Variants in SLC39A8 observed in about 807,000 individuals in gnomAD.
SLC39A8 encodes solute carrier family 39 member 8.
In SLC39A8, 15 loss-of-function variants were observed where a neutral mutation model predicts 40.4. That is an observed-to-expected ratio of 0.37 (90% CI 0.25 to 0.57). The LOEUF is 0.57. Ranked by LOEUF, SLC39A8 falls within the 20% of genes least tolerant of loss-of-function variation. SLC39A8 has a pLI of 0.75. For missense variants in SLC39A8, 472 were observed against 558.8 expected, an observed-to-expected ratio of 0.84 and a Z score of 1.57; for synonymous variants, 223 against 221.6, an observed-to-expected ratio of 1.01 and a Z score of -0.06.
intron 6 of SLC39A8, among the ~76,000 whole-genome samples, chr4:102,270,555 ATTG>A (rs1732305607): frequency 6.6e-6 from 1 of 152,042 alleles, no homozygotes; most frequent in African/African-American, 2.4e-5. Context: ...TTCTATTGTT[ATTG>A]TTGTTCACTT....
At chr4:102,342,996 G>A (rs1736010235) in intron 2 of SLC39A8, among the ~76,000 whole-genome samples, 1 of 152,088 alleles carries the variant, frequency 6.6e-6, no homozygotes, top group African/African-American at 2.4e-5. Context: ...TCCCCTATTT[G>A]ATAAGAAAAG....
At chr4:102,253,294 T>C in exon 12 of SLC39A8, 1 of 494,932 alleles carries the variant, frequency 2.0e-6, no homozygotes, top group Non-Finnish European at 3.7e-6. Context: ...TTTGAGAAAC[T>C]TCACAGCACA....
chr4:102,316,535 T>C (rs1734665744), intron 2 of SLC39A8, among the ~76,000 whole-genome samples: 1 of 152,126 alleles, frequency 6.6e-6, no homozygotes, highest in Admixed American at 6.6e-5. Flanking sequence ...ATAATGTTGT[T>C]CTCACATTTT....
rs377429367 is a variant in SLC39A8 at position 102,328,807 on chromosome 4, C to T, written c.220-12977G>A. On this transcript the variant is annotated intron_variant, in intron 2 of 8. Transcript: ENST00000356736. ...TTGGGAGACCAAGGTGGGAGGATCACGAGGTCAGGAGATCGAGACCATCCT... is the reference window on the plus strand; with the variant it reads ...TTGGGAGACCAAGGTGGGAGGATCATGAGGTCAGGAGATCGAGACCATCCT... 2.5e-3 allele frequency among the ~76,000 whole-genome samples: 381 copies of T among 152,082 alleles called. 2 individuals carry two copies. Among genetic ancestry groups the T allele is most frequent in the African/African-American group, 8.8e-3 (367 of 41,476 alleles).
chr4:102,301,002 C>T (rs1409631061), intron 6 of SLC39A8, among the ~76,000 whole-genome samples: 1 of 151,914 alleles, frequency 6.6e-6, no homozygotes, highest in African/African-American at 2.4e-5. Context: ...ACCAAAATAG[C>T]GAGAAAATAG....
In SLC39A8 at chr4:102,299,430, A is replaced by C. The variant is rs114999011; in HGVS notation, c.840+4887T>G. Among the ~76,000 whole-genome samples, 983 of 152,044 alleles carry C rather than the reference A, an allele frequency of 6.5e-3. 6 individuals carry two copies. Among genetic ancestry groups the C allele is most frequent in the African/African-American group, 0.018 (735 of 41,508 alleles). On this transcript the variant is annotated intron_variant, in intron 6 of 8. Transcript: ENST00000356736. The stretch of plus-strand genomic sequence containing the variant: ...TCACCTCATCTGTTACTTCTTGAAA[A>C]CTGCTCTGGGTCCTCATCTCCTCTC...
chr4:102,311,059 A>G (rs768093627), intron 3 of SLC39A8, among the ~76,000 whole-genome samples: 5 of 152,016 alleles, frequency 3.3e-5, no homozygotes, highest in Non-Finnish European at 7.4e-5. Flanking sequence ...CCAGGCTTCA[A>G]TTTTTGCCTG....
rs1731945444 is a variant in SLC39A8 at position 102,263,205 on chromosome 4, A to G, written c.1234-12T>C. On this transcript the variant is annotated splice_polypyrimidine_tract_variant and intron_variant, in intron 8 of 8. Coordinates refer to ENST00000356736, the MANE Select transcript of SLC39A8 (RefSeq NM_001135146.2). ...TTCATCTCTGGAAACTAGAAGACAG[A>G]TATATTGTTAGATAACTGTTGCCAT... is the stretch of plus-strand genomic sequence containing the variant. The G allele has an allele frequency of 6.2e-7, 1 of 1,609,276 alleles. No homozygotes were observed. The highest frequency in any genetic ancestry group is 1.3e-5 in the African/African-American group (1 of 74,834).
At position 102,307,552 on chromosome 4, in the gene SLC39A8, C is replaced by T; in HGVS notation, c.436G>A (p.Gly146Arg). The change falls in exon 4 of 9, where the codon GGA becomes AGA. Residue 146 changes from glycine (G) to arginine (R), a missense_variant. Coordinates refer to ENST00000356736, the MANE Select transcript of SLC39A8 (RefSeq NM_001135146.2). Reference sequence around the variant, plus strand: ...TTTATCAGTGGAGTCAAAATCAATCCGAGGAGAGATGCCAGATTAATAATC... The same window carrying T: ...TTTATCAGTGGAGTCAAAATCAATCTGAGGAGAGATGCCAGATTAATAATC... Reference protein sequence around the residue: ...VTIINLASLLGLILTPLIKKS... With the variant: ...VTIINLASLLRLILTPLIKKS... 2 of 1,613,320 alleles carry T rather than the reference C, an allele frequency of 1.2e-6. No homozygotes were observed. The highest frequency in any genetic ancestry group is 8.5e-7 in the Non-Finnish European group (1 of 1,179,574).
At chr4:102,322,430 A>T (rs988822905) in intron 2 of SLC39A8, among the ~76,000 whole-genome samples, 1 of 152,216 alleles carries the variant, frequency 6.6e-6, no homozygotes, top group African/African-American at 2.4e-5. Context: ...ACATAAAGTA[A>T]TTATTTAAAA....
At chr4:102,252,899 T>C (rs1407530151) in exon 12 of SLC39A8, 1 of 151,700 alleles carries the variant, frequency 6.6e-6, no homozygotes, top group Non-Finnish European at 1.5e-5. Flanking sequence ...ATTCATTCCA[T>C]ACCTCTCTCC....
chr4:102,295,372 G>A (rs1243503137), intron 6 of SLC39A8, among the ~76,000 whole-genome samples: 1 of 151,872 alleles, frequency 6.6e-6, no homozygotes, highest in Non-Finnish European at 1.5e-5. Context: ...CACAATTAAT[G>A]AGAATGTTAT....
chr4:102,262,524 T>G lies in SLC39A8; in HGVS notation c.*520A>C. 17 of 985,422 alleles carry G rather than the reference T, an allele frequency of 1.7e-5. No individual in the cohort carries two copies. Among genetic ancestry groups the G allele is most frequent in the Non-Finnish European group, 2.0e-5 (17 of 829,790 alleles). The allele number at this position is 985,422 out of a possible 1,614,324, so 61.0% of individuals were successfully genotyped here. A position where few individuals can be genotyped will look rare whatever the true frequency, so the allele number is the denominator to read the frequency against. Reference sequence around the variant, plus strand: ...CAGAACAAAAAGCTGTGAGAAATCTTTTTTTTCTTTGGCTCCTTAAAGACT... The same window carrying G: ...CAGAACAAAAAGCTGTGAGAAATCTGTTTTTTCTTTGGCTCCTTAAAGACT... On this transcript the variant is annotated 3_prime_UTR_variant, in exon 9 of 9. Transcript: ENST00000356736.
intron 2 of SLC39A8, among the ~76,000 whole-genome samples, chr4:102,333,773 C>T (rs1229597375): frequency 6.6e-6 from 1 of 152,048 alleles, no homozygotes; most frequent in African/African-American, 2.4e-5. Flanking sequence ...ATAATCACAG[C>T]CATATGAGTC....
At chr4:102,255,945 C>T (rs1172383970) in intron 11 of SLC39A8, among the ~76,000 whole-genome samples, 1 of 152,114 alleles carries the variant, frequency 6.6e-6, no homozygotes. Context: ...CATCCTTCTA[C>T]GAAATGCTTA....
chr4:102,342,201 G>C (rs540593110), intron 2 of SLC39A8, among the ~76,000 whole-genome samples: 115 of 152,266 alleles, frequency 7.6e-4, no homozygotes, highest in African/African-American at 2.6e-3. Flanking sequence ...GTCATCATTA[G>C]GACTTTTTAG....
chr4:102,267,467 AAT>A (rs1488399825), intron 8 of SLC39A8, 21 bp downstream of exon 8: 17 of 1,562,320 alleles, frequency 1.1e-5, no homozygotes, highest in Non-Finnish European at 1.5e-5. Context: ...ATTAAAAGAA[AAT>A]ACAAATTTTA....
chr4:102,326,425 G>A (rs945754306), intron 2 of SLC39A8, among the ~76,000 whole-genome samples: 4 of 152,164 alleles, frequency 2.6e-5, no homozygotes, highest in Admixed American at 6.5e-5. Context: ...GCCAGGCCTC[G>A]TGGCGGGCGC....
At chr4:102,315,982 T>C in intron 2 of SLC39A8, 152 bp from the exon 3 acceptor site, 1 of 535,874 alleles carries the variant, frequency 1.9e-6, no homozygotes, top group East Asian at 3.3e-5. Context: ...CCTAAAGTTG[T>C]AAAACAGCCC....
Sources: allele counts gnomAD v4.1 joint callset (sites outside exome capture counted in the v4.1 genomes callset), GRCh38; gene constraint gnomAD v4.1.1; transcripts MANE v1.5; gene names NCBI Gene and HGNC (gene_info 2026-07-23, HGNC 2026-07-21).